CCDC160: variants seen among roughly 807,000 people sequenced by gnomAD.
CCDC160 encodes coiled-coil domain-containing protein 160.
For missense variants in CCDC160, 227 were observed against 215.6 expected, an observed-to-expected ratio of 1.05 and a Z score of -0.33; for synonymous variants, 94 against 79.4, an observed-to-expected ratio of 1.18 and a Z score of -0.98.
At position 134,243,804 on chromosome X, in the gene CCDC160, T is replaced by C. The variant is rs749545723; in HGVS notation, c.-24-973T>C. Among the ~76,000 whole-genome samples the C allele has an allele frequency of 7.8e-4, 87 of 111,656 alleles. 1 individual carries two copies. The highest frequency in any genetic ancestry group is 5.6e-5 in the Non-Finnish European group (3 of 53,108). ...CCCTCTCCTTCTTCTCCTCACCCTT[T>C]AGGGCTAACTTCAGCTACCAGTTGG... On this transcript the variant is annotated intron_variant, in intron 1 of 1. Transcript: ENST00000370809.
chrX:134,246,531 A>T (rs904420508), downstream of CCDC160, among the ~76,000 whole-genome samples: 1 of 111,327 alleles, frequency 9.0e-6, no homozygotes, highest in African/African-American at 3.3e-5. Flanking sequence ...ACCAGGGGAA[A>T]ATTTCGAAGC....
chrX:134,237,771 ACT>A lies in CCDC160; in HGVS notation c.-25+432_-25+433del, dbSNP rs1258361258. The stretch of plus-strand genomic sequence containing the variant: ...GATACAGCTTTGTAGCAAGAATGTG[ACT>A]CTCATACTAATAAAGTCTCAGCCTT... On this transcript the variant is annotated intron_variant, in intron 1 of 1. Transcript: ENST00000370809. Among the ~76,000 whole-genome samples the A allele has an allele frequency of 2.7e-5, 3 of 111,725 alleles. No homozygotes were observed. In the Admixed American group the frequency reaches 2.8e-4, roughly 11 times the overall value.
chrX:134,238,125 C>T (rs765935701), intron 1 of CCDC160, among the ~76,000 whole-genome samples: 2 of 111,415 alleles, frequency 1.8e-5, no homozygotes, highest in East Asian at 5.7e-4. Flanking sequence ...CGGTTCCTGG[C>T]GTGCTCATTA....
chrX:134,245,763 TG>T lies in CCDC160; in HGVS notation c.967del (p.Asp323IlefsTer?). 8.9e-7 allele frequency: 1 copy of T among 1,119,839 alleles called. No individual in the cohort carries two copies. The highest frequency in any genetic ancestry group is 1.2e-6 in the Non-Finnish European group (1 of 853,739). The allele number at this position is 1,119,839 out of a possible 1,213,427, so 92.3% of individuals were successfully genotyped here. A position where few individuals can be genotyped will look rare whatever the true frequency, so the allele number is the denominator to read the frequency against. The stretch of plus-strand genomic sequence containing the variant: ...CATCAAGTATCCTTGACCACTTTAC[TG>T]GGGATTTTTTTTAAAACTTAAAAAA... On this transcript the variant is annotated frameshift_variant, in exon 2 of 2. Coordinates refer to ENST00000370809, the Ensembl canonical transcript of CCDC160. LOFTEE classifies it high-confidence loss of function.
At chrX:134,243,931 C>A (rs767553669) in intron 1 of CCDC160, among the ~76,000 whole-genome samples, 16 of 111,131 alleles carry the variant, frequency 1.4e-4, no homozygotes, top group African/African-American at 5.2e-4. Flanking sequence ...TGTGGGAAAG[C>A]TGTACATTAA....
chrX:134,242,867 C>T (rs764525490), intron 1 of CCDC160, among the ~76,000 whole-genome samples: 1 of 110,859 alleles, frequency 9.0e-6, no homozygotes, highest in African/African-American at 3.3e-5. Context: ...GCCATTGCTA[C>T]CTGATTAGAA....
intron 1 of CCDC160, among the ~76,000 whole-genome samples, chrX:134,244,162 T>C (rs2077035270): frequency 8.9e-6 from 1 of 111,864 alleles, no homozygotes; most frequent in South Asian, 3.7e-4. Context: ...ATGGATAGAA[T>C]TCTGTACACT....
downstream of CCDC160, chrX:134,246,006 T>A (rs1371416225): frequency 2.0e-5 from 2 of 101,614 alleles, no homozygotes; most frequent in Non-Finnish European, 3.4e-5. Flanking sequence ...CATATCAGAG[T>A]GTGTGTGTGT....
chrX:134,238,472 A>G (rs1371805951), intron 1 of CCDC160, among the ~76,000 whole-genome samples: 1 of 102,968 alleles, frequency 9.7e-6, no homozygotes, highest in African/African-American at 3.6e-5. Context: ...TCCCTGGTTC[A>G]AGCGATTCTC....
downstream of CCDC160, among the ~76,000 whole-genome samples, chrX:134,246,376 TG>T (rs1485729473): frequency 8.9e-6 from 1 of 111,776 alleles, no homozygotes; most frequent in Non-Finnish European, 1.9e-5. Flanking sequence ...TCCTTTGACC[TG>T]GCCACGGTTC....
At chrX:134,238,314 G>A (rs1223797883) in intron 1 of CCDC160, among the ~76,000 whole-genome samples, 1 of 108,053 alleles carries the variant, frequency 9.3e-6, no homozygotes, top group Non-Finnish European at 1.9e-5. Context: ...ACCTCTTAGT[G>A]TCTGGTATCA....
At chrX:134,240,029 T>C (rs2077022327) in intron 1 of CCDC160, among the ~76,000 whole-genome samples, 1 of 111,980 alleles carries the variant, frequency 8.9e-6, no homozygotes, top group African/African-American at 3.2e-5. Context: ...GGTCCTTCTT[T>C]TGGTATTTAA....
At chrX:134,245,870 G>A (rs2077041725), downstream of CCDC160, 1 of 600,058 alleles carries the variant, frequency 1.7e-6, no homozygotes. Flanking sequence ...ATATGTAATA[G>A]GATGTTATTT....
intron 1 of CCDC160, among the ~76,000 whole-genome samples, chrX:134,239,109 A>T (rs759069837): frequency 3.6e-5 from 4 of 112,376 alleles, no homozygotes; most frequent in South Asian, 3.7e-4. Context: ...AATTTTTTTT[A>T]AACTAAATTA....
At chrX:134,239,466 C>G (rs2077020698) in intron 1 of CCDC160, among the ~76,000 whole-genome samples, 1 of 112,077 alleles carries the variant, frequency 8.9e-6, no homozygotes, top group East Asian at 2.8e-4. Flanking sequence ...AAAATCAATT[C>G]AGCTTCAGAA....
At chrX:134,246,146 A>AT (rs2077042826), downstream of CCDC160, 1 of 118,575 alleles carries the variant, frequency 8.4e-6, no homozygotes, top group African/African-American at 3.3e-5. Context: ...GCACGTGAAT[A>AT]TTTTTCCATC....
chrX:134,240,460 C>T (rs1202690681), intron 1 of CCDC160, among the ~76,000 whole-genome samples: 1 of 110,644 alleles, frequency 9.0e-6, no homozygotes, highest in African/African-American at 3.3e-5. Flanking sequence ...TTACTCAACA[C>T]GGGTTGGAGA....
intron 1 of CCDC160, 96 bp downstream of exon 2, chrX:134,238,936 C>A (rs1306328834): frequency 9.0e-6 from 1 of 111,307 alleles, no homozygotes; most frequent in Non-Finnish European, 1.9e-5. Context: ...TGATCGTCTG[C>A]ATTGTCAGTA....
intron 1 of CCDC160, among the ~76,000 whole-genome samples, chrX:134,237,564 G>A (rs2077014048): frequency 9.0e-6 from 1 of 111,646 alleles, no homozygotes; most frequent in Non-Finnish European, 1.9e-5. Context: ...AGAGGAGTGG[G>A]GTCAGGCCTC....
Sources: gnomAD v4.1 joint callset for allele counts (sites outside exome capture counted in the v4.1 genomes callset) on GRCh38, gnomAD v4.1.1 for gene constraint, MANE v1.5 for transcripts, NCBI Gene and HGNC (gene_info 2026-07-23, HGNC 2026-07-21) for gene names.